Variants in RALGPS2 observed in about 807,000 individuals in gnomAD.
RALGPS2 encodes the protein Ral GEF with PH domain and SH3 binding motif 2.
A neutral mutation model predicts 86.8 loss-of-function variants in RALGPS2; 43 were observed. The observed-to-expected ratio is 0.50, with a 90% confidence interval of 0.39 to 0.64. The LOEUF (loss-of-function observed/expected upper bound fraction) is 0.64. Among genes scored for constraint, RALGPS2 ranks in the 30% least tolerant of loss-of-function variants. The pLI is 0.00. For synonymous variants in RALGPS2, 243 were observed against 231.3 expected (o/e 1.05, Z -0.46); for missense variants, 536 against 694.6 (o/e 0.77, Z 2.57).
At chr1:178,833,598 T>C (rs1263350709) in intron 8 of RALGPS2, 48 bp downstream of exon 8, 22 of 1,507,326 alleles carry the variant, frequency 1.5e-5, no homozygotes, top group East Asian at 2.7e-5. Context: ...TTACTCTTCC[T>C]TACTCAGTAA....
At chr1:178,911,273 G>A (rs573394115) in intron 19 of RALGPS2, among the ~76,000 whole-genome samples, 1 of 151,824 alleles carries the variant, frequency 6.6e-6, no homozygotes, top group East Asian at 1.9e-4. Context: ...TCTGATTTTG[G>A]TTATTTCTTT....
At chr1:178,785,423 AT>A in intron 3 of RALGPS2, 133 bp from the exon 4 acceptor site, 1 of 816,406 alleles carries the variant, frequency 1.2e-6, no homozygotes, top group Non-Finnish European at 1.7e-6. Context: ...CAGGGGCTAA[AT>A]TTTGTTTTCC....
At chr1:178,770,343 C>T (rs1248572736) in intron 1 of RALGPS2, among the ~76,000 whole-genome samples, 1 of 151,954 alleles carries the variant, frequency 6.6e-6, no homozygotes, top group Non-Finnish European at 1.5e-5. Context: ...TCTTTATGCA[C>T]TATCTTGATA....
chr1:178,753,639 A>G (rs189161512), intron 1 of RALGPS2: 76 of 152,322 alleles, frequency 5.0e-4, no homozygotes, highest in Non-Finnish European at 8.5e-4. Flanking sequence ...TGTTCACCGT[A>G]ATACTCAAAC....
intron 8 of RALGPS2, among the ~76,000 whole-genome samples, chr1:178,855,111 G>T (rs1657441419): frequency 6.6e-6 from 1 of 151,986 alleles, no homozygotes; most frequent in Non-Finnish European, 1.5e-5. Context: ...TGTACTATAA[G>T]GATAATAGGA....
chr1:178,814,601 AATT>A (rs1358418158), intron 6 of RALGPS2, among the ~76,000 whole-genome samples: 1 of 151,920 alleles, frequency 6.6e-6, no homozygotes, highest in African/African-American at 2.4e-5. Flanking sequence ...ACCTGTGGCT[AATT>A]TCTGTTTTTT....
chr1:178,863,989 T>A (rs1658213522), intron 8 of RALGPS2, among the ~76,000 whole-genome samples: 1 of 152,228 alleles, frequency 6.6e-6, no homozygotes, highest in Non-Finnish European at 1.5e-5. Flanking sequence ...CTGCAATTTA[T>A]TTACTCGTTG....
chr1:178,791,358 G>C (rs1653948284), intron 4 of RALGPS2, among the ~76,000 whole-genome samples: 1 of 151,150 alleles, frequency 6.6e-6, no homozygotes, highest in Non-Finnish European at 1.5e-5. Context: ...TGAATGCCTG[G>C]GCTCAAGCGA....
intron 8 of RALGPS2, among the ~76,000 whole-genome samples, chr1:178,838,544 G>A (rs750598538): frequency 2.6e-5 from 4 of 152,002 alleles, no homozygotes; most frequent in African/African-American, 9.7e-5. Context: ...AAAGACCAAA[G>A]GTAGATAAAA....
intron 1 of RALGPS2, among the ~76,000 whole-genome samples, chr1:178,734,449 A>G (rs2102008624): frequency 6.6e-6 from 1 of 152,354 alleles, no homozygotes; most frequent in East Asian, 1.9e-4. Context: ...TTCTGAGATG[A>G]TGAAAATGTT....
At chr1:178,852,390 G>GC (rs1657230698) in intron 8 of RALGPS2, among the ~76,000 whole-genome samples, 1 of 152,176 alleles carries the variant, frequency 6.6e-6, no homozygotes, top group Non-Finnish European at 1.5e-5. Flanking sequence ...TAGGTGTTCA[G>GC]TTAGTATTTG....
At chr1:178,777,420 A>G (rs1250104046) in intron 2 of RALGPS2, among the ~76,000 whole-genome samples, 2 of 151,940 alleles carry the variant, frequency 1.3e-5, no homozygotes, top group Non-Finnish European at 2.9e-5. Context: ...AGAACATTCC[A>G]TGCTCATGGG....
Position 178,736,164 on chromosome 1 carries a change from TG to T in RALGPS2, c.-84+10746del, listed in dbSNP as rs373932446. 8.6e-4 allele frequency among the ~76,000 whole-genome samples: 130 copies of T among 150,826 alleles called. 1 individual carries two copies. The highest frequency in any genetic ancestry group is 6.8e-3 in the Middle Eastern group (2 of 294). ...GTGCTCTGTGTTTTAATTTGTGGGT[TG>T]TTTTTTTTTTTTTTTTCTGAGACAG... is the stretch of plus-strand genomic sequence containing the variant. On this transcript the variant is annotated intron_variant, in intron 1 of 19. Transcript: ENST00000367635.
intron 1 of RALGPS2, among the ~76,000 whole-genome samples, chr1:178,727,290 C>A (rs888036099): frequency 6.6e-6 from 1 of 151,886 alleles, no homozygotes; most frequent in Admixed American, 6.6e-5. Flanking sequence ...GTCTCAGACT[C>A]CTGAGCTCAA....
intron 8 of RALGPS2, among the ~76,000 whole-genome samples, chr1:178,861,207 G>A (rs936898412): frequency 4.6e-5 from 7 of 152,014 alleles, no homozygotes; most frequent in African/African-American, 1.4e-4. Flanking sequence ...AATTCTTATG[G>A]TCTAGCAGAT....
intron 4 of RALGPS2, among the ~76,000 whole-genome samples, chr1:178,807,421 A>G (rs189402593): frequency 1.0e-3 from 152 of 152,350 alleles, no homozygotes; most frequent in Non-Finnish European, 1.1e-3. Context: ...GTAATGTGAT[A>G]TGAAAATATC....
chr1:178,747,521 A>G, intron 1 of RALGPS2: 2 of 1,611,742 alleles, frequency 1.2e-6, no homozygotes, highest in Non-Finnish European at 1.7e-6. Context: ...CAGCATGACA[A>G]CTGCTTTGGT....
intron 1 of RALGPS2, among the ~76,000 whole-genome samples, chr1:178,747,932 C>T (rs944356556): frequency 1.1e-4 from 16 of 152,328 alleles, no homozygotes; most frequent in African/African-American, 3.4e-4. Context: ...ACCAAGTGTT[C>T]GCAAAGATGT....
chr1:178,766,087 TG>T (rs1425431372), intron 1 of RALGPS2, among the ~76,000 whole-genome samples: 2 of 152,164 alleles, frequency 1.3e-5, no homozygotes, highest in African/African-American at 2.4e-5. Flanking sequence ...ACAAGAGTAT[TG>T]ATTGGGGAAG....
Sources: gnomAD v4.1 joint callset for allele counts (sites outside exome capture counted in the v4.1 genomes callset) on GRCh38, gnomAD v4.1.1 for gene constraint, MANE v1.5 for transcripts, NCBI Gene and HGNC (gene_info 2026-07-23, HGNC 2026-07-21) for gene names.